CFAP299: variants seen among roughly 807,000 people sequenced by gnomAD.
CFAP299 encodes cilia and flagella associated protein 299, also known as cilia- and flagella-associated protein 299.
CFAP299 carries 21 observed loss-of-function variants against 27.0 expected under a neutral mutation model. The observed-to-expected ratio is 0.78, with a 90% confidence interval of 0.55 to 1.12. CFAP299 has a LOEUF of 1.12. CFAP299 is among the 50% of genes most tolerant of loss of function. CFAP299 has a pLI of 0.00. For synonymous variants in CFAP299, 104 were observed against 98.1 expected, an observed-to-expected ratio of 1.06 and a Z score of -0.36; for missense variants, 310 against 276.6, an observed-to-expected ratio of 1.12 and a Z score of -0.86.
At chr4:80,350,376 T>C (rs905830421) in intron 1 of CFAP299, among the ~76,000 whole-genome samples, 3 of 152,068 alleles carry the variant, frequency 2.0e-5, no homozygotes, top group Non-Finnish European at 2.9e-5. Flanking sequence ...AAAGAACACA[T>C]TATAAAGTAA....
intron 1 of CFAP299, among the ~76,000 whole-genome samples, chr4:80,348,976 G>A (rs1247901174): frequency 6.6e-6 from 1 of 152,138 alleles, no homozygotes; most frequent in Non-Finnish European, 1.5e-5. Context: ...TGTTAACACG[G>A]TTGATGAAAT....
At chr4:80,865,625 A>G (rs970230938) in intron 3 of CFAP299, among the ~76,000 whole-genome samples, 7 of 152,180 alleles carry the variant, frequency 4.6e-5, no homozygotes, top group African/African-American at 1.7e-4. Context: ...TTCATTAGAA[A>G]AATATTTTAT....
intron 4 of CFAP299, among the ~76,000 whole-genome samples, chr4:80,920,424 G>A (rs936059480): frequency 3.3e-5 from 5 of 152,052 alleles, no homozygotes; most frequent in Non-Finnish European, 5.9e-5. Context: ...CTGTACAAGG[G>A]GCAGAAGCTC....
intron 3 of CFAP299, among the ~76,000 whole-genome samples, chr4:80,752,614 G>A (rs1056914895): frequency 1.3e-5 from 2 of 151,208 alleles, no homozygotes; most frequent in Non-Finnish European, 3.0e-5. Context: ...CAGTCTTATA[G>A]TGGGATTATA....
At chr4:80,427,127 A>G (rs2172877) in intron 2 of CFAP299, among the ~76,000 whole-genome samples, 139,346 of 152,208 alleles carry the variant, frequency 0.92, 64,715 homozygotes, top group East Asian at 1. Context: ...AGGAAATGCT[A>G]TAGTAATCTC....
intron 3 of CFAP299, among the ~76,000 whole-genome samples, chr4:80,638,539 C>T (rs1054453800): frequency 3.9e-5 from 6 of 152,108 alleles, no homozygotes; most frequent in Admixed American, 6.6e-5. Flanking sequence ...CAGGCCTATT[C>T]AATGACTTAA....
At chr4:80,408,645 A>G (rs1018602817) in intron 2 of CFAP299, among the ~76,000 whole-genome samples, 6 of 152,042 alleles carry the variant, frequency 3.9e-5, no homozygotes, top group African/African-American at 1.4e-4. Flanking sequence ...ATTGGGAGTC[A>G]CAGAGTAAGT....
At chr4:80,630,789 T>A (rs1739168087) in intron 3 of CFAP299, among the ~76,000 whole-genome samples, 1 of 152,036 alleles carries the variant, frequency 6.6e-6, no homozygotes, top group Non-Finnish European at 1.5e-5. Context: ...AATAGCAGAT[T>A]TTCCATGAAA....
At chr4:80,402,209 G>A (rs1261755464) in intron 2 of CFAP299, among the ~76,000 whole-genome samples, 1 of 152,080 alleles carries the variant, frequency 6.6e-6, no homozygotes. Flanking sequence ...AGACTTTGCG[G>A]GACTGTTAGG....
chr4:80,861,158 C>T (rs1172938216), intron 3 of CFAP299, among the ~76,000 whole-genome samples: 4 of 152,222 alleles, frequency 2.6e-5, no homozygotes, highest in Non-Finnish European at 5.9e-5. Context: ...GCAGTTTGAT[C>T]TCAGACTGCT....
At chr4:80,405,209 T>C (rs1192007087) in intron 2 of CFAP299, among the ~76,000 whole-genome samples, 3 of 152,204 alleles carry the variant, frequency 2.0e-5, no homozygotes, top group Non-Finnish European at 2.9e-5. Flanking sequence ...GTTAGCAGTG[T>C]GGCTTCTGTT....
intron 3 of CFAP299, among the ~76,000 whole-genome samples, chr4:80,685,936 G>A (rs1376928255): frequency 6.6e-6 from 1 of 152,116 alleles, no homozygotes; most frequent in Non-Finnish European, 1.5e-5. Context: ...GATCTACATA[G>A]TGTATCTGGC....
chr4:80,839,910 A>G (rs982396280), intron 3 of CFAP299, among the ~76,000 whole-genome samples: 1 of 152,048 alleles, frequency 6.6e-6, no homozygotes, highest in Non-Finnish European at 1.5e-5. Flanking sequence ...GCAAGGAAAA[A>G]CAGGCCCACT....
chr4:80,648,696 C>A (rs1740146946), intron 3 of CFAP299, among the ~76,000 whole-genome samples: 1 of 151,996 alleles, frequency 6.6e-6, no homozygotes, highest in South Asian at 2.1e-4. Context: ...GATGGGATAG[C>A]AAAAGTTACT....
chr4:80,465,349 A>G (rs1034214441), intron 2 of CFAP299, among the ~76,000 whole-genome samples: 4 of 152,208 alleles, frequency 2.6e-5, no homozygotes, highest in African/African-American at 7.2e-5. Flanking sequence ...GGGTGATGTA[A>G]GTGAGGTTCC....
intron 3 of CFAP299, among the ~76,000 whole-genome samples, chr4:80,595,927 C>A (rs184296536): frequency 1.3e-5 from 2 of 152,116 alleles, no homozygotes; most frequent in African/African-American, 4.8e-5. Context: ...TTTGACAGTG[C>A]GTGCAATACA....
intron 3 of CFAP299, among the ~76,000 whole-genome samples, chr4:80,742,905 A>G (rs1224603394): frequency 6.6e-6 from 1 of 152,186 alleles, no homozygotes; most frequent in Non-Finnish European, 1.5e-5. Flanking sequence ...ACAATGTTAG[A>G]TCTTACAGTA....
chr4:80,322,550 A>T, the CFAP299 span, among the ~76,000 whole-genome samples: 7 of 152,104 alleles, frequency 4.6e-5, no homozygotes, highest in Admixed American at 4.6e-4. Context: ...ACTAAAGCAG[A>T]GTCAAGGGGA....
chr4:80,594,358 G>T (rs905217489), intron 3 of CFAP299, among the ~76,000 whole-genome samples: 2 of 152,102 alleles, frequency 1.3e-5, no homozygotes, highest in Non-Finnish European at 2.9e-5. Context: ...AGAACAGAAT[G>T]GGGGAAACTG....
Sources: allele counts gnomAD v4.1 joint callset (sites outside exome capture counted in the v4.1 genomes callset), GRCh38; gene constraint gnomAD v4.1.1; transcripts MANE v1.5; gene names NCBI Gene and HGNC (gene_info 2026-07-23, HGNC 2026-07-21).